Variants in KITLG observed in about 807,000 individuals in gnomAD.
KITLG encodes c-Kit ligand.
KITLG carries 13 observed loss-of-function variants against 34.1 expected under a neutral mutation model. The ratio of observed to expected loss-of-function variants is 0.38; its 90% CI spans 0.25 to 0.61. The LOEUF is 0.61. Among genes scored for constraint, KITLG ranks in the 20% least tolerant of loss-of-function variants. The pLI is 0.60. For missense variants in KITLG, 292 were observed against 318.9 expected, an observed-to-expected ratio of 0.92 and a Z score of 0.64; for synonymous variants, 110 against 104.0, an observed-to-expected ratio of 1.06 and a Z score of -0.35.
chr12:88,579,937 GT>G (rs1299661634), intron 1 of KITLG, among the ~76,000 whole-genome samples: 3 of 152,232 alleles, frequency 2.0e-5, no homozygotes, highest in Non-Finnish European at 4.4e-5. Flanking sequence ...ATGCCTTCCC[GT>G]GATAACTTAA....
intron 1 of KITLG, among the ~76,000 whole-genome samples, chr12:88,573,131 A>G (rs1592590666): frequency 1.3e-5 from 2 of 152,180 alleles, no homozygotes; most frequent in African/African-American, 4.8e-5. Context: ...TCTAGATCAC[A>G]TTAGAAACAA....
chr12:88,531,691 G>T (rs547340364), intron 3 of KITLG, among the ~76,000 whole-genome samples: 2 of 151,932 alleles, frequency 1.3e-5, no homozygotes, highest in Non-Finnish European at 1.5e-5. Context: ...CTATGAAAAA[G>T]AATTTACATA....
intron 1 of KITLG, among the ~76,000 whole-genome samples, chr12:88,548,273 G>C (rs1489516924): frequency 1.3e-5 from 2 of 152,068 alleles, no homozygotes; most frequent in African/African-American, 4.8e-5. Flanking sequence ...GGCCAACATG[G>C]TGAATCCCCA....
intron 2 of KITLG, among the ~76,000 whole-genome samples, chr12:88,544,626 T>G (rs921636148): frequency 2.0e-5 from 3 of 152,122 alleles, no homozygotes; most frequent in Non-Finnish European, 2.9e-5. Context: ...TAAGACATAC[T>G]GATACATCTG....
chr12:88,529,160 AT>A (rs1336704943), intron 3 of KITLG, among the ~76,000 whole-genome samples: 7 of 152,286 alleles, frequency 4.6e-5, no homozygotes, highest in African/African-American at 1.2e-4. Flanking sequence ...AAATAAAAAA[AT>A]TTTTTTAAAA....
chr12:88,580,233 G>T, intron 1 of KITLG, 31 bp downstream of exon 1: 1 of 1,599,814 alleles, frequency 6.3e-7, no homozygotes, highest in African/African-American at 1.3e-5. Context: ...TTCCTGGAGA[G>T]CCTGGGAGCT....
At chr12:88,552,260 C>T (rs537816022) in intron 1 of KITLG, among the ~76,000 whole-genome samples, 4 of 151,412 alleles carry the variant, frequency 2.6e-5, no homozygotes, top group East Asian at 1.9e-4. Context: ...CTGCAACCTC[C>T]GCCTCCCAGA....
At chr12:88,521,993 T>C (rs1371776962) in intron 3 of KITLG, among the ~76,000 whole-genome samples, 1 of 152,132 alleles carries the variant, frequency 6.6e-6, no homozygotes, top group Non-Finnish European at 1.5e-5. Context: ...CCACTGACAA[T>C]TCAGTCAAAA....
intron 2 of KITLG, among the ~76,000 whole-genome samples, chr12:88,544,899 C>T (rs953234330): frequency 1.3e-5 from 2 of 152,128 alleles, no homozygotes; most frequent in African/African-American, 4.8e-5. Context: ...ACTTTTCATC[C>T]TTTTCTCCAT....
intron 1 of KITLG, among the ~76,000 whole-genome samples, chr12:88,556,080 C>T (rs1871088396): frequency 6.6e-6 from 1 of 151,956 alleles, no homozygotes; most frequent in African/African-American, 2.4e-5. Context: ...TGATCGGGGG[C>T]AGCCAACTCA....
At chr12:88,566,067 CTTTA>C (rs1323202561) in intron 1 of KITLG, among the ~76,000 whole-genome samples, 1 of 152,160 alleles carries the variant, frequency 6.6e-6, no homozygotes, top group Non-Finnish European at 1.5e-5. Context: ...TCACCTTCTC[CTTTA>C]TTTATTTATT....
In KITLG at chr12:88,497,090, G is replaced by C. The variant is rs1472556960; in HGVS notation, c.*129C>G. ...ATCCATATAAAGTCATGGGTAGCAAGAACAGATAAAGATGTGGTCTGTCAC... is the reference window on the plus strand; with the variant it reads ...ATCCATATAAAGTCATGGGTAGCAACAACAGATAAAGATGTGGTCTGTCAC... On this transcript the variant is annotated 3_prime_UTR_variant, in exon 10 of 10. Coordinates refer to ENST00000644744, the MANE Select transcript of KITLG (RefSeq NM_000899.5). 1 of 424,914 alleles carries C rather than the reference G, an allele frequency of 2.4e-6. No individual in the cohort carries two copies. The highest frequency in any genetic ancestry group is 4.7e-6 in the Non-Finnish European group (1 of 213,982). The allele number at this position is 424,914 out of a possible 1,614,324, so 26.3% of individuals were successfully genotyped here.
intron 2 of KITLG, among the ~76,000 whole-genome samples, chr12:88,540,675 A>T (rs924728389): frequency 6.6e-6 from 1 of 152,124 alleles, no homozygotes; most frequent in Non-Finnish European, 1.5e-5. Flanking sequence ...CAGAAGACAT[A>T]TTATCCAAGT....
At chr12:88,509,577 T>C (rs1869197000) in intron 6 of KITLG, among the ~76,000 whole-genome samples, 1 of 151,988 alleles carries the variant, frequency 6.6e-6, no homozygotes, top group Admixed American at 6.6e-5. Flanking sequence ...ACAGCAGCAA[T>C]CTTCCTGCAG....
rs901989642 is a variant in KITLG at position 88,538,539 on chromosome 12, T to C, written c.130-6036A>G. Reference sequence around the variant, plus strand: ...CCTGGTAGTAAAATACCAAGATTAGTATGGGAAGACAGTTTGGAGCAAAGA... The same window carrying C: ...CCTGGTAGTAAAATACCAAGATTAGCATGGGAAGACAGTTTGGAGCAAAGA... On this transcript the variant is annotated intron_variant, in intron 2 of 9. Coordinates refer to ENST00000644744, the MANE Select transcript of KITLG (RefSeq NM_000899.5). Among the ~76,000 whole-genome samples the C allele has an allele frequency of 6.6e-5, 10 of 151,766 alleles. 1 individual carries two copies. Among genetic ancestry groups the C allele is most frequent in the African/African-American group, 2.2e-4 (9 of 41,268 alleles).
intron 2 of KITLG, among the ~76,000 whole-genome samples, chr12:88,536,518 A>G (rs1234661249): frequency 6.6e-6 from 1 of 152,220 alleles, no homozygotes; most frequent in Admixed American, 6.5e-5. Flanking sequence ...TCATTCTACT[A>G]TAAAGACACA....
intron 2 of KITLG, among the ~76,000 whole-genome samples, chr12:88,536,934 G>A (rs1870340578): frequency 6.6e-6 from 1 of 152,058 alleles, no homozygotes; most frequent in Non-Finnish European, 1.5e-5. Context: ...GTATACCTAT[G>A]TAACAAACTG....
At chr12:88,501,575 T>C (rs758673809) in intron 9 of KITLG, among the ~76,000 whole-genome samples, 5 of 152,122 alleles carry the variant, frequency 3.3e-5, no homozygotes, top group Admixed American at 6.6e-5. Flanking sequence ...CCATCTCTGC[T>C]GGTAGAAGGC....
chr12:88,574,065 CTTT>C (rs34585685), intron 1 of KITLG, among the ~76,000 whole-genome samples: 1 of 148,046 alleles, frequency 6.8e-6, no homozygotes, highest in Non-Finnish European at 1.5e-5. Context: ...GCCATTGCTA[CTTT>C]TTTTTTTTTT....
Sources: gnomAD v4.1 joint callset for allele counts (sites outside exome capture counted in the v4.1 genomes callset) on GRCh38, gnomAD v4.1.1 for gene constraint, MANE v1.5 for transcripts, NCBI Gene and HGNC (gene_info 2026-07-23, HGNC 2026-07-21) for gene names.